The following PDZRN3 variants were observed in gnomAD, a reference collection of about 807,000 sequenced individuals.
PDZRN3 encodes the protein PDZ domain containing ring finger 3, also known as E3 ubiquitin-protein ligase PDZRN3.
In PDZRN3, 38 loss-of-function variants were observed where a neutral mutation model predicts 85.7. The observed-to-expected ratio is 0.44, with a 90% CI of 0.34 to 0.58. The LOEUF is 0.58. Among genes scored for constraint, PDZRN3 ranks in the 20% least tolerant of loss-of-function variants. The probability of loss-of-function intolerance (pLI) is 0.01; values close to 1 mark genes in which losing one functional copy is unlikely to be tolerated. For synonymous variants in PDZRN3, 759 were observed against 638.0 expected (o/e 1.19, Z -2.86); for missense variants, 1,629 against 1,506.4 (o/e 1.08, Z -1.35).
chr3:73,433,543 A>G (rs1382646697), intron 3 of PDZRN3: 15 of 789,788 alleles, frequency 1.9e-5, no homozygotes. Flanking sequence ...AATATGCACA[A>G]AAACACACAT....
chr3:73,593,151 T>C (rs1336348138), intron 3 of PDZRN3, among the ~76,000 whole-genome samples: 5 of 151,460 alleles, frequency 3.3e-5, no homozygotes, highest in Non-Finnish European at 7.4e-5. Flanking sequence ...TAAAGATAAG[T>C]GTCTAGATAT....
intron 3 of PDZRN3, among the ~76,000 whole-genome samples, chr3:73,515,380 G>A (rs1361862694): frequency 6.6e-6 from 1 of 152,044 alleles, no homozygotes; most frequent in Non-Finnish European, 1.5e-5. Context: ...GTTTCACCAT[G>A]TTAGCCAGGA....
intron 3 of PDZRN3, among the ~76,000 whole-genome samples, chr3:73,415,583 T>A (rs144761579): frequency 1.3e-3 from 202 of 152,350 alleles, no homozygotes; most frequent in African/African-American, 4.8e-3. Flanking sequence ...AACTGCACTT[T>A]CGGTATCCAC....
chr3:73,460,115 T>G (rs1039232930), intron 3 of PDZRN3, among the ~76,000 whole-genome samples: 2 of 152,226 alleles, frequency 1.3e-5, no homozygotes, highest in African/African-American at 4.8e-5. Flanking sequence ...CATTTTCAAG[T>G]GTACAGTTCA....
rs150843566 is a variant in PDZRN3, at chr3:73,487,843, A to G, written c.919-83448T>C. 3.5e-4 allele frequency among the ~76,000 whole-genome samples: 53 copies of G among 152,280 alleles called. No homozygotes were observed. The Middle Eastern group carries it at 0.01, about 29-fold the overall frequency. On this transcript the variant is annotated intron_variant, in intron 3 of 9. Coordinates refer to ENST00000263666, the MANE Select transcript of PDZRN3 (RefSeq NM_015009.3). The stretch of plus-strand genomic sequence containing the variant: ...GAAGCGGGGCCTTTGGCTGCTCATT[A>G]CTTAAAGCATTCACCTTTAAGGCCA...
At chr3:73,491,029 TCGCTCCAG>T (rs1178778861) in intron 3 of PDZRN3, among the ~76,000 whole-genome samples, 6 of 152,182 alleles carry the variant, frequency 3.9e-5, no homozygotes, top group Non-Finnish European at 5.9e-5. Flanking sequence ...TCAGTTCAGC[TCGCTCCAG>T]GAAAGCTCAG....
Position 73,624,429 on chromosome 3 carries a change from C to T in PDZRN3, c.397G>A (p.Ala133Thr), listed in dbSNP as rs1467721769. Reference sequence around the variant, plus strand: ...CGGCCCACTGGCCGCGCGTCGCAGGCGTCGCGCATGTGCGCCTCCACGTCG... The same window carrying T: ...CGGCCCACTGGCCGCGCGTCGCAGGTGTCGCGCATGTGCGCCTCCACGTCG... The part of the protein sequence containing the change: ...RRDVEAHMRD[A>T]CDARPVGRCQ... The change falls in exon 1 of 10, where the codon GCC becomes ACC. Residue 133 changes from alanine (A) to threonine (T), a missense_variant. Physicochemically the swap from Ala to Thr is moderately conservative, Grantham distance 58. Transcript: ENST00000263666. 2 of 1,320,380 alleles carry T rather than the reference C, an allele frequency of 1.5e-6. No homozygotes were observed. Among genetic ancestry groups the T allele is most frequent in the African/African-American group, 1.6e-5 (1 of 64,306 alleles). 81.8% of individuals were successfully genotyped at this position (1,320,380 alleles called of 1,614,324 possible).
intron 3 of PDZRN3, among the ~76,000 whole-genome samples, chr3:73,532,977 CT>C (rs1272027525): frequency 6.6e-6 from 1 of 152,138 alleles, no homozygotes; most frequent in African/African-American, 2.4e-5. Context: ...AACAAATCTG[CT>C]ACTGAAAATC....
At chr3:73,547,729 G>C (rs1351564275) in intron 3 of PDZRN3, among the ~76,000 whole-genome samples, 1 of 152,176 alleles carries the variant, frequency 6.6e-6, no homozygotes, top group Non-Finnish European at 1.5e-5. Flanking sequence ...CCAGAAAAAG[G>C]GTAAAGACAG....
At chr3:73,405,769 A>AT (rs1436758611) in intron 3 of PDZRN3, among the ~76,000 whole-genome samples, 5 of 152,218 alleles carry the variant, frequency 3.3e-5, no homozygotes, top group Non-Finnish European at 1.5e-5. Flanking sequence ...GCATATATAC[A>AT]TTTTCCTCCC....
chr3:73,566,411 T>C (rs925842747), intron 3 of PDZRN3, among the ~76,000 whole-genome samples: 3 of 152,216 alleles, frequency 2.0e-5, no homozygotes, highest in African/African-American at 7.2e-5. Context: ...AAAATTCTCT[T>C]AGAAAATTTA....
chr3:73,605,390 AGGGTAC>A (rs1178584582), intron 2 of PDZRN3, among the ~76,000 whole-genome samples: 2 of 152,328 alleles, frequency 1.3e-5, no homozygotes, highest in East Asian at 3.9e-4. Flanking sequence ...TTTCATAGCA[AGGGTAC>A]CTAACGATAA....
chr3:73,513,348 TGAA>T (rs1704201252), intron 3 of PDZRN3, among the ~76,000 whole-genome samples: 1 of 152,176 alleles, frequency 6.6e-6, no homozygotes, highest in South Asian at 2.1e-4. Context: ...TCCCGGTAAA[TGAA>T]GATTAGGCAT....
At chr3:73,566,466 C>T (rs1378898172) in intron 3 of PDZRN3, among the ~76,000 whole-genome samples, 18 of 152,154 alleles carry the variant, frequency 1.2e-4, no homozygotes, top group South Asian at 4.1e-4. Flanking sequence ...AACAAAAGAA[C>T]CACTCCTTTG....
chr3:73,509,741 C>G (rs1704130666), intron 3 of PDZRN3, among the ~76,000 whole-genome samples: 1 of 152,208 alleles, frequency 6.6e-6, no homozygotes, highest in Non-Finnish European at 1.5e-5. Context: ...CAGTAACTTT[C>G]AACTCTGATT....
intron 3 of PDZRN3, among the ~76,000 whole-genome samples, chr3:73,478,971 T>C (rs896608125): frequency 1.3e-5 from 2 of 152,226 alleles, no homozygotes; most frequent in Non-Finnish European, 2.9e-5. Context: ...TTAGGTTCTA[T>C]GTGTAATGGC....
intron 3 of PDZRN3, among the ~76,000 whole-genome samples, chr3:73,410,993 GT>G: frequency 6.6e-6 from 1 of 152,348 alleles, no homozygotes; most frequent in East Asian, 1.9e-4. Context: ...GCAACAAGCT[GT>G]TTCTACAGCC....
intron 3 of PDZRN3, among the ~76,000 whole-genome samples, chr3:73,558,947 AG>A (rs1306970292): frequency 2.0e-5 from 3 of 152,196 alleles, no homozygotes; most frequent in Non-Finnish European, 4.4e-5. Context: ...AAGCTGTGGG[AG>A]GCTTCAAGTT....
intron 3 of PDZRN3, among the ~76,000 whole-genome samples, chr3:73,421,937 G>A (rs376377375): frequency 9.8e-5 from 15 of 152,320 alleles, no homozygotes; most frequent in Admixed American, 4.6e-4. Flanking sequence ...GTGAGCCACC[G>A]TGCCTGGTCA....
Sources: allele counts gnomAD v4.1 joint callset (sites outside exome capture counted in the v4.1 genomes callset), GRCh38; gene constraint gnomAD v4.1.1; transcripts MANE v1.5; gene names NCBI Gene and HGNC (gene_info 2026-07-23, HGNC 2026-07-21).